ARHGAP17: variants seen among roughly 807,000 people sequenced by gnomAD.
ARHGAP17 encodes the protein Rho GTPase activating protein 17.
ARHGAP17 carries 57 observed loss-of-function variants against 99.5 expected under a neutral mutation model. That is an observed-to-expected ratio of 0.57 (90% CI 0.46 to 0.71). ARHGAP17 has a LOEUF of 0.71. Ranked by LOEUF, ARHGAP17 falls within the 30% of genes least tolerant of loss-of-function variation. The pLI is 0.00. For synonymous variants in ARHGAP17, 417 were observed against 429.6 expected (o/e 0.97, Z 0.36); for missense variants, 1,000 against 1,122.4 (o/e 0.89, Z 1.56).
At chr16:25,009,117 G>A (rs372791091) in intron 1 of ARHGAP17, among the ~76,000 whole-genome samples, 1 of 152,210 alleles carries the variant, frequency 6.6e-6, no homozygotes, top group Non-Finnish European at 1.5e-5. Context: ...TGTAACCCCA[G>A]CACTTTGGGA....
intron 1 of ARHGAP17, among the ~76,000 whole-genome samples, chr16:24,997,304 T>G (rs530748236): frequency 6.7e-6 from 1 of 150,340 alleles, no homozygotes; most frequent in African/African-American, 2.5e-5. Context: ...TCATTAGCAC[T>G]TGGACTGGTG....
chr16:24,977,284 G>A lies in ARHGAP17; in HGVS notation c.129C>T (p.Cys43=). The part of the protein sequence containing the change: ...ERRLDTVRSI[C]HHSHKRLVAC... The stretch of plus-strand genomic sequence containing the variant: ...CCACCAAGCGCTTATGGGAATGGTG[G>A]CATATTGACCGCACCGTGTCCAGGC... The change falls in exon 3 of 20, where the codon TGC becomes TGT. Residue 43 remains cysteine (C), a synonymous_variant. Coordinates refer to ENST00000289968, the MANE Select transcript of ARHGAP17 (RefSeq NM_001006634.3). 1 of 1,597,162 alleles carries A rather than the reference G, an allele frequency of 6.3e-7. No homozygotes were observed. The highest frequency in any genetic ancestry group is 8.6e-7 in the Non-Finnish European group (1 of 1,168,518).
chr16:24,964,767 T>C lies in ARHGAP17; in HGVS notation c.462-459A>G, dbSNP rs375081458. Among the ~76,000 whole-genome samples, 7 of 152,264 alleles carry C rather than the reference T, an allele frequency of 4.6e-5. No homozygotes were observed. In the East Asian group the frequency reaches 1.2e-3, roughly 25 times the overall value. On this transcript the variant is annotated intron_variant, in intron 6 of 19. Coordinates refer to ENST00000289968, the MANE Select transcript of ARHGAP17 (RefSeq NM_001006634.3). ...GGCTCTTTCCACTACCATACTACCA[T>C]CTGTGACCTGGGATTACTTTCAGAA...
At chr16:24,983,989 T>C (rs1417466388) in intron 1 of ARHGAP17, among the ~76,000 whole-genome samples, 1 of 152,208 alleles carries the variant, frequency 6.6e-6, no homozygotes, top group East Asian at 1.9e-4. Context: ...GTGTGGCTAA[T>C]AGGATGTTTC....
At chr16:24,990,632 G>T (rs919734592) in intron 1 of ARHGAP17, among the ~76,000 whole-genome samples, 2 of 152,062 alleles carry the variant, frequency 1.3e-5, no homozygotes, top group Non-Finnish European at 2.9e-5. Context: ...ACTCCAGCCT[G>T]GGCAACAGAG....
intron 6 of ARHGAP17, among the ~76,000 whole-genome samples, chr16:24,965,231 G>A (rs2052141002): frequency 6.6e-6 from 1 of 152,204 alleles, no homozygotes; most frequent in Admixed American, 6.5e-5. Context: ...AGCACTTTGG[G>A]AAGCCGAGGT....
At chr16:24,966,017 T>A (rs1270034727) in intron 6 of ARHGAP17, among the ~76,000 whole-genome samples, 3 of 152,228 alleles carry the variant, frequency 2.0e-5, no homozygotes, top group Non-Finnish European at 2.9e-5. Context: ...AGTATTAAAA[T>A]CACCTATGAG....
intron 3 of ARHGAP17, among the ~76,000 whole-genome samples, chr16:24,971,865 G>A (rs866688498): frequency 1.3e-5 from 2 of 152,168 alleles, no homozygotes; most frequent in South Asian, 2.1e-4. Context: ...GGCATCCCAG[G>A]GAGACGCAGG....
chr16:24,968,801 C>T, intron 4 of ARHGAP17, 29 bp from the exon 5 acceptor site: 1 of 1,608,074 alleles, frequency 6.2e-7, no homozygotes, highest in Non-Finnish European at 8.5e-7. Flanking sequence ...CAACAACGAG[C>T]ACGTGCTCAT....
At chr16:24,983,116 C>T (rs1248076567) in intron 1 of ARHGAP17, among the ~76,000 whole-genome samples, 1 of 149,822 alleles carries the variant, frequency 6.7e-6, no homozygotes, top group Non-Finnish European at 1.5e-5. Context: ...GTGATACTCC[C>T]ACCTCAGCCT....
In ARHGAP17 at chr16:24,931,040, G is replaced by T. The variant is rs775588000; in HGVS notation, c.2259C>A (p.Thr753=). The change falls in exon 19 of 20, where the codon ACC becomes ACA. Residue 753 remains threonine (T), a synonymous_variant. Transcript: ENST00000289968. ...TGGGGGGCGTTGGAGTCTGGGGAGG[G>T]GTGTGAGATGGCTGCTCAAGTCCAT... ...SEHGLEQPSH[T]PPQTPTPPST... is the part of the protein sequence containing the mutation. 4 of 1,609,700 alleles carry T rather than the reference G, an allele frequency of 2.5e-6. No homozygotes were observed. The highest frequency in any genetic ancestry group is 1.7e-5 in the Admixed American group (1 of 59,720).
intron 19 of ARHGAP17, among the ~76,000 whole-genome samples, chr16:24,926,018 A>G (rs1567728663): frequency 6.6e-6 from 1 of 151,152 alleles, no homozygotes; most frequent in Non-Finnish European, 1.5e-5. Context: ...GCTGAGGCAG[A>G]AGAATGGTGT....
chr16:24,943,902 G>A (rs1305278647), intron 14 of ARHGAP17, 40 bp from the exon 15 acceptor site: 2 of 1,530,836 alleles, frequency 1.3e-6, no homozygotes, highest in Admixed American at 3.4e-5. Context: ...CTTCCTGTAG[G>A]CAGCATCTAA....
At chr16:24,987,708 G>GT (rs1567255468) in intron 1 of ARHGAP17, among the ~76,000 whole-genome samples, 1 of 152,114 alleles carries the variant, frequency 6.6e-6, no homozygotes, top group Non-Finnish European at 1.5e-5. Flanking sequence ...TCACAGGGCT[G>GT]TTGGTTTTTG....
chr16:24,990,763 G>C (rs2053015897), intron 1 of ARHGAP17, among the ~76,000 whole-genome samples: 1 of 138,298 alleles, frequency 7.2e-6, no homozygotes, highest in South Asian at 2.4e-4. Context: ...TCTGGAGGTG[G>C]GGCTTGGCTT....
intron 1 of ARHGAP17, among the ~76,000 whole-genome samples, chr16:25,009,134 G>T (rs575685836): frequency 6.6e-6 from 1 of 152,228 alleles, no homozygotes; most frequent in South Asian, 2.1e-4. Flanking sequence ...GGGAGGCCAA[G>T]GTGGGTGGAT....
chr16:24,920,648 G>C (rs1406757222), intron 19 of ARHGAP17: 3 of 172,204 alleles, frequency 1.7e-5, no homozygotes, highest in South Asian at 1.4e-4. Context: ...CCAGACTGCT[G>C]GGTTTTCCTC....
intron 1 of ARHGAP17, among the ~76,000 whole-genome samples, chr16:24,984,580 C>T (rs531697048): frequency 6.6e-6 from 1 of 151,912 alleles, no homozygotes; most frequent in Admixed American, 6.6e-5. Context: ...GGTGTGATCC[C>T]GGGAGGCGGA....
rs1023436143 is a variant in ARHGAP17 at position 24,970,546 on chromosome 16, A to G, written c.233T>C (p.Met78Thr). The G allele has an allele frequency of 7.4e-6, 12 of 1,614,104 alleles. No individual in the cohort carries two copies. The African/African-American group carries it at 1.2e-4, about 16-fold the overall frequency. The change falls in exon 4 of 20, where the codon ATG becomes ACG. Residue 78 changes from methionine to threonine, a missense_variant. Transcript: ENST00000289968. ...KLPLTALAQN[M>T]QEASTQLEDS... ...TTCCAGCTGAGTCGATGCTTCTTGC[A>G]TATTTTGAGCAAGAGCTGTCAGAGG...
Sources: allele counts gnomAD v4.1 joint callset (sites outside exome capture counted in the v4.1 genomes callset), GRCh38; gene constraint gnomAD v4.1.1; transcripts MANE v1.5; gene names NCBI Gene and HGNC (gene_info 2026-07-23, HGNC 2026-07-21).